The following EPHB1 variants were observed in gnomAD, a reference collection of about 807,000 sequenced individuals.
EPHB1 encodes ephrin type-B receptor 1.
Under a neutral mutation model 94.4 loss-of-function variants are expected in EPHB1, and 30 were observed. The observed-to-expected ratio is 0.32, with a 90% CI of 0.24 to 0.43. The LOEUF (loss-of-function observed/expected upper bound fraction) is 0.43, where lower values mean the gene tolerates loss of function less well. Ranked by LOEUF, EPHB1 falls within the 20% of genes least tolerant of loss-of-function variation. EPHB1 has a pLI of 1.00. For synonymous variants in EPHB1, 522 were observed against 489.1 expected, an observed-to-expected ratio of 1.07 and a Z score of -0.89; for missense variants, 1,055 against 1,308.3, an observed-to-expected ratio of 0.81 and a Z score of 2.99.
intron 3 of EPHB1, among the ~76,000 whole-genome samples, chr3:135,069,023 AGC>A (rs1247927176): frequency 5.5e-5 from 8 of 146,680 alleles, no homozygotes; most frequent in African/African-American, 2.0e-4. Flanking sequence ...GCCGGGCGTG[AGC>A]CACTGTGCCC....
intron 3 of EPHB1, among the ~76,000 whole-genome samples, chr3:135,039,428 A>G (rs375898734): frequency 6.1e-4 from 93 of 152,332 alleles, no homozygotes; most frequent in African/African-American, 2.1e-3. Context: ...GTGCGCTCGC[A>G]TTCCTCATCC....
intron 1 of EPHB1, among the ~76,000 whole-genome samples, chr3:134,847,842 G>A (rs2036904449): frequency 6.6e-6 from 1 of 152,198 alleles, no homozygotes; most frequent in South Asian, 2.1e-4. Context: ...TCCCATTGTG[G>A]CTGAAGATAT....
intron 1 of EPHB1, among the ~76,000 whole-genome samples, chr3:134,888,286 C>T (rs1361660242): frequency 1.3e-5 from 2 of 152,306 alleles, no homozygotes; most frequent in South Asian, 4.2e-4. Flanking sequence ...TCTACACTTA[C>T]CTGGAAGGTC....
intron 4 of EPHB1, among the ~76,000 whole-genome samples, chr3:135,111,475 C>T (rs944890056): frequency 6.6e-6 from 1 of 152,048 alleles, no homozygotes; most frequent in African/African-American, 2.4e-5. Context: ...ACCACAGGGC[C>T]TTCCCCTCCC....
intron 1 of EPHB1, among the ~76,000 whole-genome samples, chr3:134,851,049 G>A (rs1476496689): frequency 6.6e-6 from 1 of 152,186 alleles, no homozygotes; most frequent in Non-Finnish European, 1.5e-5. Context: ...CTTTCCTCCT[G>A]GACTGAAGAT....
At chr3:135,129,332 G>A (rs11708045) in intron 4 of EPHB1, among the ~76,000 whole-genome samples, 33,876 of 151,528 alleles carry the variant, frequency 0.22, 4,828 homozygotes, top group Non-Finnish European at 0.32. Context: ...ATGAGAGACT[G>A]GGCAAAACTC....
At chr3:134,850,529 G>A (rs965073761) in intron 1 of EPHB1, among the ~76,000 whole-genome samples, 1 of 152,216 alleles carries the variant, frequency 6.6e-6, no homozygotes, top group Non-Finnish European at 1.5e-5. Flanking sequence ...ATGGGGACTT[G>A]ACCTCACTGA....
intron 3 of EPHB1, among the ~76,000 whole-genome samples, chr3:135,043,664 A>C (rs1437373033): frequency 6.6e-6 from 1 of 152,218 alleles, no homozygotes; most frequent in East Asian, 1.9e-4. Flanking sequence ...TGCTCCCTCC[A>C]CATAAGGTCC....
intron 1 of EPHB1, among the ~76,000 whole-genome samples, chr3:134,832,855 G>A (rs543063036): frequency 4.9e-4 from 74 of 152,328 alleles, no homozygotes; most frequent in African/African-American, 1.7e-3. Flanking sequence ...TAATTGAAAA[G>A]GAGACAACTT....
At chr3:135,209,300 T>G (rs1398247559) in intron 12 of EPHB1, among the ~76,000 whole-genome samples, 1 of 152,194 alleles carries the variant, frequency 6.6e-6, no homozygotes, top group Non-Finnish European at 1.5e-5. Flanking sequence ...TTTACATATC[T>G]TCAAAGTTTC....
chr3:135,034,245 A>G (rs1936576441), intron 3 of EPHB1, among the ~76,000 whole-genome samples: 3 of 152,208 alleles, frequency 2.0e-5, no homozygotes, highest in Admixed American at 2.0e-4. Flanking sequence ...ATGCAAAGAT[A>G]TATTGACACA....
intron 3 of EPHB1, among the ~76,000 whole-genome samples, chr3:134,954,880 A>C (rs1933187152): frequency 6.6e-6 from 1 of 152,132 alleles, no homozygotes; most frequent in Non-Finnish European, 1.5e-5. Context: ...CCAATTAGAC[A>C]GCACAGCCAG....
At chr3:135,093,440 A>G (rs1397500077) in intron 3 of EPHB1, among the ~76,000 whole-genome samples, 3 of 152,288 alleles carry the variant, frequency 2.0e-5, no homozygotes, top group Non-Finnish European at 1.5e-5. Flanking sequence ...TTTTTTAGCC[A>G]GACACGGTGG....
intron 6 of EPHB1, among the ~76,000 whole-genome samples, chr3:135,156,667 A>G (rs1941366346): frequency 6.6e-6 from 1 of 152,218 alleles, no homozygotes; most frequent in African/African-American, 2.4e-5. Flanking sequence ...TTCTACTTAG[A>G]GAATATTGAG....
At chr3:135,189,123 T>G in intron 10 of EPHB1, among the ~76,000 whole-genome samples, 1 of 152,252 alleles carries the variant, frequency 6.6e-6, no homozygotes, top group East Asian at 1.9e-4. Flanking sequence ...GAAAGTAGTT[T>G]GATTCATACT....
chr3:135,041,895 GAGAC>G (rs1471213449), intron 3 of EPHB1, among the ~76,000 whole-genome samples: 3 of 151,840 alleles, frequency 2.0e-5, no homozygotes, highest in African/African-American at 7.3e-5. Context: ...GAGAGAGAGA[GAGAC>G]AGAGAGCACA....
intron 1 of EPHB1, among the ~76,000 whole-genome samples, chr3:134,804,767 G>C (rs749503013): frequency 6.6e-6 from 1 of 152,170 alleles, no homozygotes; most frequent in Non-Finnish European, 1.5e-5. Flanking sequence ...GCAGACTTAC[G>C]ACATCAGAGG....
chr3:134,951,843 TTG>T lies in EPHB1; in HGVS notation c.599_600del (p.Val200AlafsTer60). 1 of 1,614,010 alleles carries T rather than the reference TTG, an allele frequency of 6.2e-7. No individual in the cohort carries two copies. Among genetic ancestry groups the T allele is most frequent in the Non-Finnish European group, 8.5e-7 (1 of 1,179,876 alleles). ...GTCTTCTTCAAAAAGTGTCCCAGCA[TTG>T]TGCAAAATTTTGCAGTGTTTCCAGA... On this transcript the variant is annotated frameshift_variant, in exon 3 of 16. Coordinates refer to ENST00000398015, the MANE Select transcript of EPHB1 (RefSeq NM_004441.5). LOFTEE classifies it high-confidence loss of function. The surrounding 1 kb of genome is among the most constrained non-coding windows in gnomAD (Gnocchi z 4.5).
intron 1 of EPHB1, among the ~76,000 whole-genome samples, chr3:134,872,411 A>G (rs946499922): frequency 6.6e-6 from 1 of 152,220 alleles, no homozygotes; most frequent in Middle Eastern, 3.2e-3. Context: ...TGGATCTAGT[A>G]CAATTAATCA....
Sources: gnomAD v4.1 joint callset for allele counts (sites outside exome capture counted in the v4.1 genomes callset) on GRCh38, gnomAD v4.1.1 for gene constraint, Gnocchi (gnomAD v3.1) non-coding constraint, MANE v1.5 for transcripts, NCBI Gene and HGNC (gene_info 2026-07-23, HGNC 2026-07-21) for gene names.